Variants in USH2A observed in about 807,000 individuals in gnomAD.
USH2A encodes the protein Usher syndrome 2A (autosomal recessive, mild).
Under a neutral mutation model 538.9 loss-of-function variants are expected in USH2A, and 443 were observed. That is an observed-to-expected ratio of 0.82 (90% CI 0.76 to 0.89). The LOEUF is 0.89. Among genes scored for constraint, USH2A ranks in the 40% least tolerant of loss-of-function variants. USH2A has a pLI of 0.00. For missense variants in USH2A, 6,633 were observed against 6,324.8 expected (o/e 1.05, Z -1.65); for synonymous variants, 2,413 against 2,273.5 (o/e 1.06, Z -1.75).
chr1:216,236,652 T>C (rs2035823936), intron 13 of USH2A, among the ~76,000 whole-genome samples: 1 of 152,078 alleles, frequency 6.6e-6, no homozygotes. Context: ...CTGTGAGTCA[T>C]GAGAGTGGTT....
intron 21 of USH2A, among the ~76,000 whole-genome samples, chr1:216,158,640 G>C (rs766368825): frequency 2.0e-5 from 3 of 152,126 alleles, no homozygotes; most frequent in Non-Finnish European, 2.9e-5. Flanking sequence ...CTTATAGTTA[G>C]TCTTGATACA....
intron 37 of USH2A, among the ~76,000 whole-genome samples, chr1:215,959,422 T>A (rs1447719779): frequency 6.6e-6 from 1 of 152,090 alleles, no homozygotes; most frequent in Non-Finnish European, 1.5e-5. Context: ...TCCCGGTCCT[T>A]ACCTTCCACC....
chr1:216,191,627 T>C (rs2034718628), intron 19 of USH2A, among the ~76,000 whole-genome samples: 1 of 151,972 alleles, frequency 6.6e-6, no homozygotes, highest in African/African-American at 2.4e-5. Flanking sequence ...ATAATGAAGA[T>C]ACAAACTTTT....
rs183620898 is a variant in USH2A at position 216,278,531 on chromosome 1, C to T, written c.1971+10749G>A. Reference sequence around the variant, plus strand: ...TGAGAAATATTACTACTAAACTTCCCTAATTCTCTGAAGGAGAGACCACGT... The same window carrying T: ...TGAGAAATATTACTACTAAACTTCCTTAATTCTCTGAAGGAGAGACCACGT... On this transcript the variant is annotated intron_variant, in intron 11 of 71. Transcript: ENST00000307340. Among the ~76,000 whole-genome samples, 202 of 152,276 alleles carry T rather than the reference C, an allele frequency of 1.3e-3. 1 individual carries two copies. The highest frequency in any genetic ancestry group is 4.6e-3 in the African/African-American group (191 of 41,582).
intron 6 of USH2A, 94 bp from the exon 7 acceptor site, chr1:216,324,446 C>A: frequency 8.5e-7 from 1 of 1,173,306 alleles, no homozygotes; most frequent in South Asian, 1.5e-5. Flanking sequence ...AATATATTGG[C>A]TCACTTCATC....
intron 65 of USH2A, among the ~76,000 whole-genome samples, chr1:215,648,978 G>A (rs1201323031): frequency 1.3e-5 from 2 of 152,106 alleles, no homozygotes; most frequent in African/African-American, 2.4e-5. Context: ...TAATGTAACC[G>A]TTAAATAGAC....
intron 22 of USH2A, among the ~76,000 whole-genome samples, chr1:216,089,512 T>C (rs184411467): frequency 1.3e-5 from 2 of 152,138 alleles, no homozygotes; most frequent in Non-Finnish European, 2.9e-5. Context: ...AGAGAAAAAT[T>C]TAAAACTCAT....
At chr1:216,000,379 G>A (rs549979014) in intron 33 of USH2A, 24 bp downstream of exon 33, 1 of 1,613,156 alleles carries the variant, frequency 6.2e-7, no homozygotes, top group Admixed American at 1.7e-5. Flanking sequence ...ACCAGCATGT[G>A]AGAGAGACAA....
At chr1:215,979,416 G>A (rs1355217436) in intron 35 of USH2A, among the ~76,000 whole-genome samples, 2 of 152,146 alleles carry the variant, frequency 1.3e-5, no homozygotes, top group East Asian at 1.9e-4. Flanking sequence ...ATTTTATGAT[G>A]CACAGGAGAC....
At position 216,325,529 on chromosome 1, in the gene USH2A, T is replaced by G; in HGVS notation, c.919A>C (p.Ser307Arg). ...GCCAAAGGGTGGACCCGCGGGTGGC[T>G]GCCAGGGCAACGGCAATGTGATTGG... ...HAQSHCRCPG[S>R]HPRVHPLAQR... Residue 307 changes from serine (S) to arginine (R), a missense_variant, in exon 6 of 72, where the codon AGC (serine) becomes CGC (arginine). By Grantham distance (110) the Ser-to-Arg change is moderately radical (BLOSUM62 -1). Coordinates refer to ENST00000307340, the MANE Select transcript of USH2A (RefSeq NM_206933.4). 1 of 1,613,644 alleles carries G rather than the reference T, an allele frequency of 6.2e-7. No homozygotes were observed. Among genetic ancestry groups the G allele is most frequent in the Non-Finnish European group, 8.5e-7 (1 of 1,179,770 alleles).
chr1:215,697,819 G>A (rs1448974463), intron 61 of USH2A, among the ~76,000 whole-genome samples: 1 of 151,926 alleles, frequency 6.6e-6, no homozygotes, highest in African/African-American at 2.4e-5. Flanking sequence ...CCACACCCAG[G>A]CTTTTATTTA....
chr1:215,788,166 C>CA (rs1442587105), intron 51 of USH2A, among the ~76,000 whole-genome samples: 2 of 152,110 alleles, frequency 1.3e-5, no homozygotes, highest in African/African-American at 4.8e-5. Context: ...ATAATACACA[C>CA]AAGACAGTGC....
intron 11 of USH2A, among the ~76,000 whole-genome samples, chr1:216,287,694 G>C (rs1398574208): frequency 3.3e-5 from 5 of 152,130 alleles, no homozygotes; most frequent in African/African-American, 1.2e-4. Flanking sequence ...CAAATCTGAT[G>C]CACTGTAACT....
intron 3 of USH2A, among the ~76,000 whole-genome samples, chr1:216,407,631 T>C (rs538404318): frequency 1.3e-5 from 2 of 152,256 alleles, no homozygotes; most frequent in East Asian, 3.9e-4. Context: ...GAGTGATACA[T>C]TCCATAGACC....
At chr1:215,711,155 G>T (rs1484528668) in intron 61 of USH2A, among the ~76,000 whole-genome samples, 1 of 152,092 alleles carries the variant, frequency 6.6e-6, no homozygotes, top group Non-Finnish European at 1.5e-5. Context: ...TTAAAATATT[G>T]AATTCATATA....
chr1:216,360,054 C>T (rs929295702), intron 4 of USH2A, among the ~76,000 whole-genome samples: 4 of 152,044 alleles, frequency 2.6e-5, no homozygotes, highest in South Asian at 2.1e-4. Context: ...CCAGTAATTG[C>T]GCTCTTTGGT....
chr1:216,407,768 A>C (rs1232053901), intron 3 of USH2A, among the ~76,000 whole-genome samples: 1 of 152,166 alleles, frequency 6.6e-6, no homozygotes, highest in Non-Finnish European at 1.5e-5. Context: ...AGCAAAAATA[A>C]TTTAAGTCTT....
Position 215,675,483 on chromosome 1 carries a change from G to A in USH2A, c.12428C>T (p.Ser4143Leu), listed in dbSNP as rs373319380. The A allele has an allele frequency of 8.1e-6, 13 of 1,614,022 alleles. No homozygotes were observed. Among genetic ancestry groups the A allele is most frequent in the South Asian group, 4.4e-5 (4 of 91,080 alleles). The change falls in exon 63 of 72, where the codon TCG (serine) becomes TTG (leucine). Residue 4143 changes from serine (S) to leucine (L), a missense_variant. Transcript: ENST00000307340. ...ATCTGTCCACAGAGGCTGAGGCGCC[G>A]AGTGTGCACAACCTGCTCTGGTGCA... Reference protein sequence around the residue: ...EACTRAGCAHSAPQPLWTDEA... With the variant: ...EACTRAGCAHLAPQPLWTDEA...
At chr1:216,423,015 C>T (rs956496515) in intron 1 of USH2A, among the ~76,000 whole-genome samples, 199 bp downstream of exon 1, 1 of 151,966 alleles carries the variant, frequency 6.6e-6, no homozygotes, top group African/African-American at 2.4e-5. Flanking sequence ...GGACTTTGGG[C>T]CTTTCCCCTT....
Sources: gnomAD v4.1 joint callset for allele counts (sites outside exome capture counted in the v4.1 genomes callset) on GRCh38, gnomAD v4.1.1 for gene constraint, MANE v1.5 for transcripts, NCBI Gene and HGNC (gene_info 2026-07-23, HGNC 2026-07-21) for gene names.